TTBK2: variants seen among roughly 807,000 people sequenced by gnomAD.
TTBK2 encodes tau tubulin kinase 2, also known as tau-tubulin kinase 2.
Under a neutral mutation model 110.8 loss-of-function variants are expected in TTBK2, and 28 were observed. The ratio of observed to expected loss-of-function variants is 0.25; its 90% CI spans 0.19 to 0.35. TTBK2 has a LOEUF of 0.35. TTBK2 is among the 10% of genes least tolerant of loss of function. The pLI is 1.00. For synonymous variants in TTBK2, 532 were observed against 527.3 expected, an observed-to-expected ratio of 1.01 and a Z score of -0.12; for missense variants, 1,369 against 1,500.3, an observed-to-expected ratio of 0.91 and a Z score of 1.45.
At chr15:42,757,944 T>C (rs1472442934) in intron 13 of TTBK2, among the ~76,000 whole-genome samples, 1 of 152,212 alleles carries the variant, frequency 6.6e-6, no homozygotes, top group Non-Finnish European at 1.5e-5. Flanking sequence ...ATTAGTGTCT[T>C]ATTTAATAGT....
rs552687543 is a variant in TTBK2, at chr15:42,900,590, T to C, written c.-68+19848A>G. Among the ~76,000 whole-genome samples the C allele has an allele frequency of 4.4e-4, 67 of 152,032 alleles. 1 individual carries two copies. Among genetic ancestry groups the C allele is most frequent in the African/African-American group, 1.4e-3 (60 of 41,488 alleles). On this transcript the variant is annotated intron_variant, in intron 1 of 14. Transcript: ENST00000267890. ...TACAAAAATTAGCTGGGCATGGTGG[T>C]GCGTGCCTATAGTCCCAGCTACTCG...
At chr15:42,874,302 A>T (rs553419971) in intron 2 of TTBK2, among the ~76,000 whole-genome samples, 1 of 151,830 alleles carries the variant, frequency 6.6e-6, no homozygotes, top group South Asian at 2.1e-4. Context: ...ATCCTTCTTT[A>T]TTTTTTTATT....
chr15:42,756,404 G>A (rs1338563577), intron 13 of TTBK2, among the ~76,000 whole-genome samples: 1 of 151,844 alleles, frequency 6.6e-6, no homozygotes, highest in African/African-American at 2.4e-5. Context: ...TGGCCAACAT[G>A]GTGAAACCCT....
intron 13 of TTBK2, among the ~76,000 whole-genome samples, chr15:42,760,525 A>G (rs1007192305): frequency 4.6e-5 from 7 of 152,204 alleles, no homozygotes; most frequent in Non-Finnish European, 8.8e-5. Context: ...AGACAAAAAT[A>G]AAATTTTTTA....
At chr15:42,762,401 C>T (rs2062041649) in intron 13 of TTBK2, among the ~76,000 whole-genome samples, 2 of 152,164 alleles carry the variant, frequency 1.3e-5, no homozygotes, top group African/African-American at 4.8e-5. Context: ...AAGTGTACAA[C>T]AACAGATGAG....
At chr15:42,800,476 G>A (rs1364126301) in intron 9 of TTBK2, among the ~76,000 whole-genome samples, 1 of 152,214 alleles carries the variant, frequency 6.6e-6, no homozygotes, top group African/African-American at 2.4e-5. Flanking sequence ...CAAAGAGAGT[G>A]TAGACCAAGT....
chr15:42,907,943 T>G (rs1320370574), intron 1 of TTBK2, among the ~76,000 whole-genome samples: 1 of 151,068 alleles, frequency 6.6e-6, no homozygotes, highest in Non-Finnish European at 1.5e-5. Flanking sequence ...ATAATTAGCC[T>G]GGCATGGTGG....
chr15:42,857,829 T>A (rs188170571), intron 3 of TTBK2, among the ~76,000 whole-genome samples: 1 of 152,142 alleles, frequency 6.6e-6, no homozygotes, highest in East Asian at 1.9e-4. Flanking sequence ...ACATCTGTAA[T>A]CCCAGTAATT....
chr15:42,834,763 G>A lies in TTBK2; in HGVS notation c.292-4685C>T, dbSNP rs553528315. 3.9e-5 allele frequency among the ~76,000 whole-genome samples: 6 copies of A among 152,278 alleles called. No homozygotes were observed. In the East Asian group the frequency reaches 1.2e-3, roughly 29 times the overall value. ...ATGGTGGCATGAGCCTGTAATCCTAGCTACTTGGGAGGTTGAGGCAGGAGA... is the reference window on the plus strand; with the variant it reads ...ATGGTGGCATGAGCCTGTAATCCTAACTACTTGGGAGGTTGAGGCAGGAGA... On this transcript the variant is annotated intron_variant, in intron 4 of 14. Transcript: ENST00000267890.
At position 42,753,032 on chromosome 15, in the gene TTBK2, A is replaced by T. The variant is rs371333858; in HGVS notation, c.2214T>A (p.Gly738=). The T allele has an allele frequency of 1.2e-6, 2 of 1,613,836 alleles. No individual in the cohort carries two copies. Among genetic ancestry groups the T allele is most frequent in the African/African-American group, 2.7e-5 (2 of 74,844 alleles). The part of the protein sequence containing the change: ...TDLGLQIDHI[G]HDMLPNIRES... ...CTCTAATGTTGGGTAACATGTCATG[A>T]CCAATGTGATCTATCTGAAGCCCCA... The change falls in exon 14 of 15, where the codon GGT becomes GGA. Residue 738 remains glycine, a synonymous_variant. Transcript: ENST00000267890.
In TTBK2 at chr15:42,796,962, C is replaced by T. The variant is rs574454162; in HGVS notation, c.823-2161G>A. Among the ~76,000 whole-genome samples the T allele has an allele frequency of 1.8e-4, 28 of 152,284 alleles. 1 individual carries two copies. The South Asian group carries it at 5.6e-3, about 30-fold the overall frequency. On this transcript the variant is annotated intron_variant, in intron 9 of 14. Coordinates refer to ENST00000267890, the MANE Select transcript of TTBK2 (RefSeq NM_173500.4). ...AAATCTGAGAAATTTTATTTGGGTC[C>T]TATTTTTGTTCATGTAAGTCACCTA...
chr15:42,838,052 A>T (rs944847748), intron 4 of TTBK2, among the ~76,000 whole-genome samples: 9 of 152,158 alleles, frequency 5.9e-5, no homozygotes, highest in Non-Finnish European at 1.0e-4. Context: ...TACTAAAAAT[A>T]CAAAAAGTAG....
chr15:42,847,849 C>A (rs1276939901), intron 3 of TTBK2, among the ~76,000 whole-genome samples: 3 of 152,034 alleles, frequency 2.0e-5, no homozygotes, highest in Middle Eastern at 3.2e-3. Context: ...CATATAGTTT[C>A]TTTGCTTATA....
chr15:42,869,522 G>A (rs1334580315), intron 3 of TTBK2, among the ~76,000 whole-genome samples: 1 of 151,658 alleles, frequency 6.6e-6, no homozygotes, highest in Non-Finnish European at 1.5e-5. Flanking sequence ...GTGAAGATAT[G>A]TAGATATCAT....
At chr15:42,801,706 C>T in intron 9 of TTBK2, 1 of 884,082 alleles carries the variant, frequency 1.1e-6, no homozygotes, top group Non-Finnish European at 1.9e-6. Flanking sequence ...AGATCTGGGA[C>T]TGCAGCTCCC....
chr15:42,893,420 C>T (rs1389902562), intron 1 of TTBK2, among the ~76,000 whole-genome samples: 1 of 152,040 alleles, frequency 6.6e-6, no homozygotes, highest in Non-Finnish European at 1.5e-5. Context: ...AATTTAAGCA[C>T]AGAAGGTTGA....
chr15:42,838,366 GTGTGTGTGTGTGTA>G (rs1893081659), intron 4 of TTBK2, among the ~76,000 whole-genome samples: 1 of 148,648 alleles, frequency 6.7e-6, no homozygotes, highest in Admixed American at 6.6e-5. Context: ...GTGTGTGTGT[GTGTGTGTGTGTGTA>G]TGTGTGTGTT....
At chr15:42,811,819 T>C (rs759884421) in intron 7 of TTBK2, 39 bp from the exon 8 acceptor site, 1 of 1,550,750 alleles carries the variant, frequency 6.4e-7, no homozygotes, top group South Asian at 1.1e-5. Flanking sequence ...ATAACATTAT[T>C]ACTTGTGAGT....
At chr15:42,909,453 T>A (rs1416447222) in intron 1 of TTBK2, among the ~76,000 whole-genome samples, 1 of 152,208 alleles carries the variant, frequency 6.6e-6, no homozygotes, top group African/African-American at 2.4e-5. Flanking sequence ...GAGCACCCCC[T>A]TGTGATTACA....
Sources: allele counts gnomAD v4.1 joint callset (sites outside exome capture counted in the v4.1 genomes callset), GRCh38; gene constraint gnomAD v4.1.1; transcripts MANE v1.5; gene names NCBI Gene and HGNC (gene_info 2026-07-23, HGNC 2026-07-21).